Variants in CDS1 observed in about 807,000 individuals in gnomAD.
The protein encoded by CDS1 is CDP-diacylglycerol synthase 1, also known as phosphatidate cytidylyltransferase 1.
In CDS1, 41 loss-of-function variants were observed where a neutral mutation model predicts 62.1. That is an observed-to-expected ratio of 0.66 (90% CI 0.51 to 0.86). The LOEUF is 0.86. Ranked by LOEUF, CDS1 falls within the 40% of genes least tolerant of loss-of-function variation. The probability of loss-of-function intolerance (pLI) is 0.00; values close to 1 mark genes in which losing one functional copy is unlikely to be tolerated. For missense variants in CDS1, 470 were observed against 550.1 expected, an observed-to-expected ratio of 0.85 and a Z score of 1.46; for synonymous variants, 185 against 192.6, an observed-to-expected ratio of 0.96 and a Z score of 0.32.
intron 11 of CDS1, among the ~76,000 whole-genome samples, chr4:84,644,476 T>A (rs1004321340): frequency 3.9e-5 from 6 of 152,242 alleles, no homozygotes; most frequent in African/African-American, 1.4e-4. Flanking sequence ...TTTAATGGTC[T>A]CCAATCCAAG....
At chr4:84,620,138 A>G (rs1422900951) in intron 5 of CDS1, among the ~76,000 whole-genome samples, 1 of 151,794 alleles carries the variant, frequency 6.6e-6, no homozygotes, top group African/African-American at 2.4e-5. Flanking sequence ...TAATTTATGA[A>G]AAAACTTTCA....
chr4:84,625,611 A>G (rs542155759), intron 5 of CDS1, among the ~76,000 whole-genome samples: 2 of 152,244 alleles, frequency 1.3e-5, no homozygotes, highest in South Asian at 4.1e-4. Flanking sequence ...TTTTGGGTTC[A>G]TGGAGGCATT....
chr4:84,610,271 T>C (rs139819924), intron 3 of CDS1, among the ~76,000 whole-genome samples: 175 of 152,234 alleles, frequency 1.1e-3, no homozygotes, highest in African/African-American at 4.1e-3. Context: ...TCCTGAATAC[T>C]GGACAGAGGA....
At chr4:84,621,617 A>C (rs1214536033) in intron 5 of CDS1, among the ~76,000 whole-genome samples, 1 of 152,144 alleles carries the variant, frequency 6.6e-6, no homozygotes. Context: ...CCCAGAGATT[A>C]GGTCTCCCCA....
At chr4:84,626,915 G>A (rs1723880538) in intron 5 of CDS1, among the ~76,000 whole-genome samples, 1 of 152,152 alleles carries the variant, frequency 6.6e-6, no homozygotes, top group African/African-American at 2.4e-5. Context: ...GAGTCTTGAG[G>A]CCTTAGTGGC....
At chr4:84,645,664 G>A (rs1464347185) in intron 12 of CDS1, among the ~76,000 whole-genome samples, 5 of 152,132 alleles carry the variant, frequency 3.3e-5, no homozygotes, top group Non-Finnish European at 7.4e-5. Flanking sequence ...GGGAGATAAC[G>A]AAATGCATCC....
intron 1 of CDS1, among the ~76,000 whole-genome samples, chr4:84,586,398 G>T (rs527646793): frequency 6.6e-6 from 1 of 152,260 alleles, no homozygotes; most frequent in African/African-American, 2.4e-5. Flanking sequence ...TCCCACCTGG[G>T]GGTGATGGGA....
chr4:84,645,769 T>A (rs1043350254), intron 12 of CDS1, among the ~76,000 whole-genome samples: 1 of 152,092 alleles, frequency 6.6e-6, no homozygotes, highest in Non-Finnish European at 1.5e-5. Context: ...TCTGCCCCCA[T>A]AGCTACTTGT....
At chr4:84,611,559 A>G (rs1723325386) in intron 3 of CDS1, among the ~76,000 whole-genome samples, 1 of 152,316 alleles carries the variant, frequency 6.6e-6, no homozygotes, top group Non-Finnish European at 1.5e-5. Flanking sequence ...AAAAAATTCC[A>G]TCAGCTCTTG....
intron 1 of CDS1, among the ~76,000 whole-genome samples, chr4:84,590,479 A>G (rs1056299366): frequency 1.3e-5 from 2 of 152,210 alleles, no homozygotes; most frequent in African/African-American, 4.8e-5. Flanking sequence ...TATGATCTTT[A>G]AACAGTTCAT....
intron 5 of CDS1, among the ~76,000 whole-genome samples, chr4:84,619,809 G>A (rs1359941322): frequency 6.6e-6 from 1 of 151,988 alleles, no homozygotes; most frequent in Non-Finnish European, 1.5e-5. Context: ...GAGGCAGGTG[G>A]AACATCTGAA....
chr4:84,614,210 C>T (rs1723418291), intron 3 of CDS1, among the ~76,000 whole-genome samples: 1 of 152,080 alleles, frequency 6.6e-6, no homozygotes, highest in Admixed American at 6.6e-5. Context: ...CCTGAAATTC[C>T]AGTCTGAGTC....
intron 8 of CDS1, among the ~76,000 whole-genome samples, chr4:84,637,737 T>A (rs1418271560): frequency 6.6e-6 from 1 of 152,214 alleles, no homozygotes; most frequent in Admixed American, 6.5e-5. Context: ...TCAGGCTGGA[T>A]TAATTGTATA....
intron 8 of CDS1, among the ~76,000 whole-genome samples, chr4:84,636,270 C>G (rs1195233306): frequency 3.3e-5 from 5 of 152,106 alleles, no homozygotes; most frequent in Non-Finnish European, 7.4e-5. Context: ...AAACTCATAC[C>G]AAAAGAAGAT....
At chr4:84,612,826 A>G (rs182280457) in intron 3 of CDS1, among the ~76,000 whole-genome samples, 1 of 151,806 alleles carries the variant, frequency 6.6e-6, no homozygotes, top group Non-Finnish European at 1.5e-5. Flanking sequence ...CGTCTCTTTT[A>G]AAAATACAAA....
At chr4:84,619,192 ATGTT>A (rs955347341) in intron 4 of CDS1, among the ~76,000 whole-genome samples, 198 bp from the exon 5 acceptor site, 6 of 152,128 alleles carry the variant, frequency 3.9e-5, no homozygotes, top group Non-Finnish European at 4.4e-5. Flanking sequence ...GGTATGAACT[ATGTT>A]TGGTAAATTT....
At chr4:84,620,512 G>A (rs1321874422) in intron 5 of CDS1, among the ~76,000 whole-genome samples, 1 of 150,808 alleles carries the variant, frequency 6.6e-6, no homozygotes, top group South Asian at 2.1e-4. Context: ...ATGAGCCACC[G>A]CGCCTGGCCT....
chr4:84,616,567 A>G (rs1166553665), intron 3 of CDS1, among the ~76,000 whole-genome samples: 1 of 152,220 alleles, frequency 6.6e-6, no homozygotes, highest in Non-Finnish European at 1.5e-5. Flanking sequence ...TTATTTTTAA[A>G]TAACTCTTTA....
At chr4:84,590,716 G>T (rs896825508) in intron 1 of CDS1, among the ~76,000 whole-genome samples, 1 of 152,152 alleles carries the variant, frequency 6.6e-6, no homozygotes, top group African/African-American at 2.4e-5. Context: ...TGCCTTGGTT[G>T]GCCTTTGTTA....
Sources: allele counts gnomAD v4.1 joint callset (sites outside exome capture counted in the v4.1 genomes callset), GRCh38; gene constraint gnomAD v4.1.1; transcripts MANE v1.5; gene names NCBI Gene and HGNC (gene_info 2026-07-23, HGNC 2026-07-21).